EPM2A: variants seen among roughly 807,000 people sequenced by gnomAD.
The protein encoded by EPM2A is EPM2A glucan phosphatase, laforin.
In EPM2A, 21 loss-of-function variants were observed where a neutral mutation model predicts 26.5. That is an observed-to-expected ratio of 0.79 (90% confidence interval 0.56 to 1.14). The LOEUF (loss-of-function observed/expected upper bound fraction) is 1.14, where lower values mean the gene tolerates loss of function less well. Among genes scored for constraint, EPM2A ranks in the 50% most tolerant of loss-of-function variants. The pLI is 0.00. For synonymous variants in EPM2A, 217 were observed against 177.6 expected (o/e 1.22, Z -1.76); for missense variants, 458 against 440.8 (o/e 1.04, Z -0.35).
chr6:145,505,060 A>C (rs1355255545), intron 2 of EPM2A, among the ~76,000 whole-genome samples: 1 of 124,694 alleles, frequency 8.0e-6, no homozygotes, highest in African/African-American at 3.1e-5. Context: ...TCACATGGAC[A>C]CAGGAAGGGG....
At chr6:145,408,631 C>A (rs117702222) in intron 4 of EPM2A, among the ~76,000 whole-genome samples, 194 of 152,270 alleles carry the variant, frequency 1.3e-3, no homozygotes, top group Non-Finnish European at 2.2e-3. Flanking sequence ...TTGATTTATA[C>A]AGTTTTAAAC....
In EPM2A at chr6:145,626,059, T is replaced by A. The variant is rs1051023364; in HGVS notation, c.*1357A>T. 1 of 1,140,854 alleles carries A rather than the reference T, an allele frequency of 8.8e-7. No homozygotes were observed. Among genetic ancestry groups the A allele is most frequent in the African/African-American group, 1.6e-5 (1 of 63,914 alleles). 70.7% of individuals were successfully genotyped at this position (1,140,854 alleles called of 1,614,324 possible). Reference sequence around the variant, plus strand: ...ATGGAGATAATGAGACCTTCTTCATTGGATATTGTGAAGATTAAACTGGAT... The same window carrying A: ...ATGGAGATAATGAGACCTTCTTCATAGGATATTGTGAAGATTAAACTGGAT... On this transcript the variant is annotated 3_prime_UTR_variant, in exon 4 of 4. Coordinates refer to ENST00000367519, the MANE Select transcript of EPM2A (RefSeq NM_005670.4).
At chr6:145,485,667 C>T (rs1007004575) in intron 4 of EPM2A, among the ~76,000 whole-genome samples, 1 of 152,164 alleles carries the variant, frequency 6.6e-6, no homozygotes, top group Non-Finnish European at 1.5e-5. Flanking sequence ...AAGGGATGTT[C>T]TGCCCTTGCA....
chr6:145,585,702 A>G (rs955985872), intron 2 of EPM2A, among the ~76,000 whole-genome samples: 4 of 151,948 alleles, frequency 2.6e-5, no homozygotes, highest in African/African-American at 9.7e-5. Flanking sequence ...TGTAAATTTT[A>G]TCTCTTTGGG....
intron 4 of EPM2A, among the ~76,000 whole-genome samples, chr6:145,489,306 A>G (rs1411940156): frequency 6.6e-6 from 1 of 152,224 alleles, no homozygotes; most frequent in Non-Finnish European, 1.5e-5. Flanking sequence ...AATTTGAGGA[A>G]GAACATGACC....
intron 4 of EPM2A, among the ~76,000 whole-genome samples, chr6:145,397,537 A>T (rs775812345): frequency 4.6e-5 from 7 of 152,152 alleles, no homozygotes; most frequent in Admixed American, 6.6e-5. Flanking sequence ...TACAGGGGGA[A>T]CTCCCAGCTT....
At chr6:145,619,382 AG>A (rs1264900139) in intron 2 of EPM2A, among the ~76,000 whole-genome samples, 31 of 152,384 alleles carry the variant, frequency 2.0e-4, no homozygotes, top group Middle Eastern at 3.4e-3. Flanking sequence ...ATCTGAAGAC[AG>A]AAATTCACCT....
chr6:145,675,112 G>T (rs184340010), intron 2 of EPM2A, among the ~76,000 whole-genome samples: 1 of 152,214 alleles, frequency 6.6e-6, no homozygotes, highest in East Asian at 1.9e-4. Flanking sequence ...CAAGCCAGAA[G>T]AGAGTGGGGG....
At chr6:145,404,141 A>T (rs181278232) in intron 4 of EPM2A, among the ~76,000 whole-genome samples, 12 of 151,840 alleles carry the variant, frequency 7.9e-5, no homozygotes, top group Non-Finnish European at 1.0e-4. Flanking sequence ...GAACTGCTTG[A>T]GCTCCTTATA....
intron 2 of EPM2A, among the ~76,000 whole-genome samples, chr6:145,664,926 C>G (rs1253777889): frequency 2.1e-5 from 3 of 145,120 alleles, no homozygotes; most frequent in Non-Finnish European, 4.5e-5. Context: ...GGGTACATAA[C>G]GAAATGAAGG....
chr6:145,731,876 C>A (rs538174915), intron 1 of EPM2A, among the ~76,000 whole-genome samples: 1 of 152,068 alleles, frequency 6.6e-6, no homozygotes, highest in Non-Finnish European at 1.5e-5. Flanking sequence ...AGACTGCTAA[C>A]AGGAATGGGC....
chr6:145,688,056 ATTC>A (rs1030491623), intron 1 of EPM2A, among the ~76,000 whole-genome samples: 4 of 152,114 alleles, frequency 2.6e-5, no homozygotes, highest in African/African-American at 9.6e-5. Flanking sequence ...GTTTTTTTTC[ATTC>A]TTCTACAGAT....
chr6:145,714,568 T>G (rs747777366), intron 1 of EPM2A, among the ~76,000 whole-genome samples: 1 of 152,208 alleles, frequency 6.6e-6, no homozygotes, highest in Non-Finnish European at 1.5e-5. Flanking sequence ...ATTAGTCCAT[T>G]TTCACAATGC....
intron 4 of EPM2A, among the ~76,000 whole-genome samples, chr6:145,476,439 T>A (rs1206303010): frequency 6.6e-6 from 1 of 152,070 alleles, no homozygotes; most frequent in African/African-American, 2.4e-5. Context: ...ATCTGTACTA[T>A]AGACTAAATG....
intron 4 of EPM2A, among the ~76,000 whole-genome samples, chr6:145,455,646 C>T (rs549421402): frequency 6.6e-6 from 1 of 152,138 alleles, no homozygotes; most frequent in South Asian, 2.1e-4. Context: ...TGTGAGCCAC[C>T]GCATCCGGCA....
At chr6:145,467,114 G>A (rs1779408731) in intron 4 of EPM2A, among the ~76,000 whole-genome samples, 1 of 151,886 alleles carries the variant, frequency 6.6e-6, no homozygotes, top group African/African-American at 2.4e-5. Flanking sequence ...TGCACATTGT[G>A]CACATGTACC....
intron 2 of EPM2A, among the ~76,000 whole-genome samples, chr6:145,573,611 A>G (rs1392244234): frequency 6.6e-6 from 1 of 152,170 alleles, no homozygotes; most frequent in Non-Finnish European, 1.5e-5. Flanking sequence ...CCCTCCAGGG[A>G]TGCAATATTG....
chr6:145,574,586 C>G (rs1192845323), intron 2 of EPM2A, among the ~76,000 whole-genome samples: 3 of 152,180 alleles, frequency 2.0e-5, no homozygotes, highest in Non-Finnish European at 4.4e-5. Context: ...GGTATATCTT[C>G]TGGACCCTCC....
chr6:145,474,880 C>T lies in EPM2A; in HGVS notation c.555+27642G>A, dbSNP rs1257081953. Among the ~76,000 whole-genome samples, 3 of 151,946 alleles carry T rather than the reference C, an allele frequency of 2.0e-5. No homozygotes were observed. In the East Asian group the frequency reaches 5.8e-4, roughly 29 times the overall value. Reference sequence around the variant, plus strand: ...AAAATATGAAAAAAAGCTCATAATCCCTGGTCATTAGAGAAATGCAAATCA... The same window carrying T: ...AAAATATGAAAAAAAGCTCATAATCTCTGGTCATTAGAGAAATGCAAATCA... On this transcript the variant is annotated intron_variant, in intron 4 of 4. Transcript: ENST00000638717.
Sources: gnomAD v4.1 joint callset for allele counts (sites outside exome capture counted in the v4.1 genomes callset) on GRCh38, gnomAD v4.1.1 for gene constraint, MANE v1.5 for transcripts, NCBI Gene and HGNC (gene_info 2026-07-23, HGNC 2026-07-21) for gene names.